Variants in DMRT1 observed in about 807,000 individuals in gnomAD.
DMRT1 encodes the protein doublesex- and mab-3-related transcription factor 1.
Under a neutral mutation model 32.3 loss-of-function variants are expected in DMRT1, and 7 were observed. The observed-to-expected ratio is 0.22, with a 90% CI of 0.12 to 0.41. The LOEUF (loss-of-function observed/expected upper bound fraction) is 0.41, where lower values mean the gene tolerates loss of function less well. Ranked by LOEUF, DMRT1 falls within the 10% of genes least tolerant of loss-of-function variation. DMRT1 has a pLI of 1.00. For synonymous variants in DMRT1, 278 were observed against 206.1 expected (o/e 1.35, Z -2.99); for missense variants, 625 against 500.5 (o/e 1.25, Z -2.37).
intron 3 of DMRT1, among the ~76,000 whole-genome samples, chr9:901,235 A>G (rs1414350748): frequency 6.6e-6 from 1 of 151,932 alleles, no homozygotes; most frequent in Non-Finnish European, 1.5e-5. Context: ...GGCTGGTCTC[A>G]GACTCCTGGA....
chr9:911,470 A>ATTTTTTT (rs201141931), intron 3 of DMRT1, among the ~76,000 whole-genome samples: 13 of 67,000 alleles, frequency 1.9e-4, no homozygotes, highest in Admixed American at 3.2e-4. Context: ...GGTTAATTGC[A>ATTTTTTT]TTTTTTTTTT....
chr9:902,572 TCTG>T (rs1817629905), intron 3 of DMRT1, among the ~76,000 whole-genome samples: 1 of 151,154 alleles, frequency 6.6e-6, no homozygotes, highest in African/African-American at 2.4e-5. Flanking sequence ...CACTGCAACC[TCTG>T]CCTCCCGGGT....
chr9:862,363 T>C (rs1335795097), intron 2 of DMRT1, among the ~76,000 whole-genome samples: 1 of 151,674 alleles, frequency 6.6e-6, no homozygotes, highest in Non-Finnish European at 1.5e-5. Flanking sequence ...CAGTCAGGTG[T>C]GGCGGCGCGC....
chr9:955,592 G>C (rs1250975045), intron 4 of DMRT1, among the ~76,000 whole-genome samples: 1 of 152,188 alleles, frequency 6.6e-6, no homozygotes, highest in African/African-American at 2.4e-5. Flanking sequence ...TGTAGTCTCA[G>C]CTACTGGGGA....
chr9:845,213 T>C (rs1226723851), intron 1 of DMRT1, among the ~76,000 whole-genome samples: 1 of 152,068 alleles, frequency 6.6e-6, no homozygotes, highest in African/African-American at 2.4e-5. Flanking sequence ...TTATTATTTA[T>C]TTATTTATTT....
At chr9:863,519 A>G (rs1205557936) in intron 2 of DMRT1, among the ~76,000 whole-genome samples, 1 of 152,180 alleles carries the variant, frequency 6.6e-6, no homozygotes, top group African/African-American at 2.4e-5. Context: ...AACAGCCCTC[A>G]GCTGACAGCC....
chr9:843,377 T>A (rs992737368), intron 1 of DMRT1, among the ~76,000 whole-genome samples: 1 of 152,242 alleles, frequency 6.6e-6, no homozygotes, highest in Non-Finnish European at 1.5e-5. Flanking sequence ...TCAGCCATTT[T>A]GAGAGCTCTG....
chr9:941,021 A>T (rs1266822928), intron 4 of DMRT1, among the ~76,000 whole-genome samples: 1 of 152,222 alleles, frequency 6.6e-6, no homozygotes, highest in Non-Finnish European at 1.5e-5. Context: ...CTACTATAAA[A>T]ACAATGACAA....
chr9:938,901 A>G (rs146069290), intron 4 of DMRT1, among the ~76,000 whole-genome samples: 46 of 152,348 alleles, frequency 3.0e-4, no homozygotes, highest in African/African-American at 1.1e-3. Context: ...ATCATGTTGA[A>G]CACTAATAGC....
At chr9:957,943 A>T (rs1586664848) in intron 4 of DMRT1, among the ~76,000 whole-genome samples, 1 of 152,192 alleles carries the variant, frequency 6.6e-6, no homozygotes, top group Admixed American at 6.5e-5. Context: ...CCGCAGGCGG[A>T]GGTTGCCCCG....
At chr9:871,881 C>CT (rs1461687119) in intron 2 of DMRT1, among the ~76,000 whole-genome samples, 1 of 151,372 alleles carries the variant, frequency 6.6e-6, no homozygotes, top group Non-Finnish European at 1.5e-5. Flanking sequence ...AGAACCACTG[C>CT]TTTGAGTTTA....
chr9:884,626 C>T (rs999798963), intron 2 of DMRT1, among the ~76,000 whole-genome samples: 4 of 152,174 alleles, frequency 2.6e-5, no homozygotes, highest in African/African-American at 9.7e-5. Flanking sequence ...TCCAGTCCTT[C>T]TGATCTTTTG....
chr9:904,874 G>T (rs540283293), intron 3 of DMRT1, among the ~76,000 whole-genome samples: 1 of 150,994 alleles, frequency 6.6e-6, no homozygotes, highest in Non-Finnish European at 1.5e-5. Flanking sequence ...CCAGGGAGGC[G>T]TAGGTTGCGG....
At chr9:874,094 C>G (rs1816391654) in intron 2 of DMRT1, among the ~76,000 whole-genome samples, 1 of 152,208 alleles carries the variant, frequency 6.6e-6, no homozygotes, top group South Asian at 2.1e-4. Context: ...GAGATTTTAG[C>G]ATTGGCATGG....
chr9:878,041 C>T (rs1371507735), intron 2 of DMRT1, among the ~76,000 whole-genome samples: 1 of 152,128 alleles, frequency 6.6e-6, no homozygotes, highest in African/African-American at 2.4e-5. Context: ...ATAGACCACG[C>T]TAGGAGAAAT....
At position 842,085 on chromosome 9, in the gene DMRT1, G is replaced by A; in HGVS notation, c.247G>A (p.Gly83Ser). 9.1e-6 allele frequency: 14 copies of A among 1,546,396 alleles called. No individual in the cohort carries two copies. The highest frequency in any genetic ancestry group is 1.2e-5 in the Non-Finnish European group (14 of 1,149,936). ...LPKCARCRNH[G>S]YASPLKGHKR... Reference sequence around the variant, plus strand: ...CAAGTGCGCACGCTGCAGGAACCACGGCTACGCCTCGCCGCTCAAGGGCCA... The same window carrying A: ...CAAGTGCGCACGCTGCAGGAACCACAGCTACGCCTCGCCGCTCAAGGGCCA... Residue 83 changes from glycine (G) to serine (S), a missense_variant, in exon 1 of 5, where the codon GGC (glycine) becomes AGC (serine). By Grantham distance (56) the Gly-to-Ser change is moderately conservative. Coordinates refer to ENST00000382276, the MANE Select transcript of DMRT1 (RefSeq NM_021951.3).
At chr9:947,726 C>T (rs932850454) in intron 4 of DMRT1, among the ~76,000 whole-genome samples, 1 of 152,190 alleles carries the variant, frequency 6.6e-6, no homozygotes, top group African/African-American at 2.4e-5. Flanking sequence ...CGACCAACCC[C>T]TTCACTTTAG....
intron 2 of DMRT1, among the ~76,000 whole-genome samples, chr9:862,107 G>C (rs1433634750): frequency 0.32 from 41,945 of 132,588 alleles, 8,015 homozygotes; most frequent in Middle Eastern, 0.41. Context: ...GGTGGCGGCT[G>C]GGCAGAGGCT....
At chr9:869,812 T>A (rs1354181968) in intron 2 of DMRT1, among the ~76,000 whole-genome samples, 2 of 152,184 alleles carry the variant, frequency 1.3e-5, no homozygotes, top group Non-Finnish European at 2.9e-5. Flanking sequence ...TTTCTCCTCT[T>A]CTCCCCATTT....
Sources: allele counts gnomAD v4.1 joint callset (sites outside exome capture counted in the v4.1 genomes callset), GRCh38; gene constraint gnomAD v4.1.1; transcripts MANE v1.5; gene names NCBI Gene and HGNC (gene_info 2026-07-23, HGNC 2026-07-21).